SGCG: variants seen among roughly 807,000 people sequenced by gnomAD.
SGCG encodes sarcoglycan gamma, also known as gamma-sarcoglycan.
In SGCG, 26 loss-of-function variants were observed where a neutral mutation model predicts 29.3. The ratio of observed to expected loss-of-function variants is 0.89; its 90% CI spans 0.65 to 1.23. The LOEUF is 1.23. Ranked by LOEUF, SGCG falls within the 50% of genes most tolerant of loss-of-function variation. The pLI, the probability that SGCG is intolerant of heterozygous loss-of-function variation, is 0.00. For missense variants in SGCG, 353 were observed against 356.0 expected, an observed-to-expected ratio of 0.99 and a Z score of 0.07; for synonymous variants, 145 against 129.7, an observed-to-expected ratio of 1.12 and a Z score of -0.80.
At chr13:23,211,298 C>T (rs895585032) in intron 2 of SGCG, among the ~76,000 whole-genome samples, 2 of 152,152 alleles carry the variant, frequency 1.3e-5, no homozygotes, top group Non-Finnish European at 2.9e-5. Context: ...TGTGCTTCTC[C>T]TAACTTTCCA....
chr13:23,313,215 A>G (rs536059192), intron 6 of SGCG, among the ~76,000 whole-genome samples: 2 of 149,564 alleles, frequency 1.3e-5, no homozygotes, highest in East Asian at 3.9e-4. Flanking sequence ...TCCAGGCTGG[A>G]GTGCAGTGGC....
In SGCG at chr13:23,199,622, A is replaced by C. The variant is rs191311832; in HGVS notation, c.1-4073A>C. On this transcript the variant is annotated intron_variant, in intron 1 of 7. Coordinates refer to ENST00000218867, the MANE Select transcript of SGCG (RefSeq NM_000231.3). The stretch of plus-strand genomic sequence containing the variant: ...AGTGTTTCACCTAGTGATTTAACTC[A>C]TGCTTATCTAGAGTAAAAGGACTTT... Among the ~76,000 whole-genome samples the C allele has an allele frequency of 2.0e-5, 3 of 152,384 alleles. No individual in the cohort carries two copies. The East Asian group carries it at 5.8e-4, about 29-fold the overall frequency.
intron 2 of SGCG, among the ~76,000 whole-genome samples, chr13:23,208,879 G>T (rs1467418378): frequency 2.6e-5 from 4 of 151,976 alleles, no homozygotes; most frequent in Admixed American, 1.3e-4. Flanking sequence ...GTGTTCATGA[G>T]TATAGAATAA....
At chr13:23,242,187 C>T (rs9552890) in intron 3 of SGCG, among the ~76,000 whole-genome samples, 101,720 of 152,022 alleles carry the variant, frequency 0.67, 34,414 homozygotes, top group East Asian at 0.91. Flanking sequence ...TACTGTTTGA[C>T]AGAATTCTTG....
chr13:23,163,208 A>T, the SGCG span, among the ~76,000 whole-genome samples: 2 of 152,252 alleles, frequency 1.3e-5, no homozygotes, highest in Admixed American at 6.5e-5. Flanking sequence ...TCTAAACATG[A>T]CATCTTCAAA....
In SGCG at chr13:23,203,746, C is replaced by T; in HGVS notation, c.52C>T (p.Pro18Ser). The part of the protein sequence containing the change: ...TATEGICIER[P>S]ENQYVYKIGI... ...CACAGAAGGCATCTGCATAGAGAGG[C>T]CAGAGAATCAGTATGTCTACAAAAT... The change falls in exon 2 of 8, where the codon CCA becomes TCA. Residue 18 changes from proline (P) to serine (S), a missense_variant. Coordinates refer to ENST00000218867, the MANE Select transcript of SGCG (RefSeq NM_000231.3). 6.2e-7 allele frequency: 1 copy of T among 1,613,998 alleles called. No individual in the cohort carries two copies. Among genetic ancestry groups the T allele is most frequent in the Non-Finnish European group, 8.5e-7 (1 of 1,179,872 alleles).
chr13:23,181,607 A>G (rs1376307286), intron 1 of SGCG, among the ~76,000 whole-genome samples: 1 of 152,210 alleles, frequency 6.6e-6, no homozygotes, highest in East Asian at 1.9e-4. Flanking sequence ...CTATTTTTGG[A>G]GTGAAAAGGG....
At chr13:23,317,604 T>G (rs111829793) in intron 6 of SGCG, among the ~76,000 whole-genome samples, 56 of 152,376 alleles carry the variant, frequency 3.7e-4, no homozygotes, top group African/African-American at 1.1e-3. Context: ...TATTTTCTTT[T>G]CCTTTATCAT....
intron 4 of SGCG, among the ~76,000 whole-genome samples, chr13:23,262,380 G>C (rs142045917): frequency 6.6e-6 from 1 of 151,918 alleles, no homozygotes; most frequent in African/African-American, 2.4e-5. Flanking sequence ...AAACAGACTT[G>C]AAAGCAACAA....
At chr13:23,245,005 G>A (rs961044129) in intron 3 of SGCG, 13 of 152,158 alleles carry the variant, frequency 8.5e-5, no homozygotes, top group Non-Finnish European at 1.8e-4. Context: ...GGCCCCAAAG[G>A]CCTGAAAGCC....
intron 5 of SGCG, among the ~76,000 whole-genome samples, chr13:23,286,692 AAAGC>A (rs59922555): frequency 0.43 from 65,637 of 151,792 alleles, 15,010 homozygotes; most frequent in Middle Eastern, 0.65. Flanking sequence ...ATAATAAAAT[AAAGC>A]AATTATAAAA....
intron 2 of SGCG, among the ~76,000 whole-genome samples, chr13:23,224,365 C>A (rs1878805504): frequency 6.6e-6 from 1 of 152,140 alleles, no homozygotes; most frequent in African/African-American, 2.4e-5. Flanking sequence ...TCTTATTATT[C>A]TTTCTTTCTC....
At chr13:23,169,408 C>T in the SGCG span, among the ~76,000 whole-genome samples, 44 of 151,534 alleles carry the variant, frequency 2.9e-4, no homozygotes, top group East Asian at 1.6e-3. Context: ...GTAGCCGGCG[C>T]GGTGGCTCAC....
chr13:23,275,944 A>G (rs1881052016), intron 4 of SGCG, among the ~76,000 whole-genome samples: 1 of 152,228 alleles, frequency 6.6e-6, no homozygotes, highest in Admixed American at 6.5e-5. Context: ...CACATTGTAT[A>G]TAAGGAAGAA....
At chr13:23,319,517 TA>T (rs1019703163) in intron 6 of SGCG, among the ~76,000 whole-genome samples, 5 of 152,050 alleles carry the variant, frequency 3.3e-5, no homozygotes, top group African/African-American at 1.2e-4. Context: ...AGTCATAGAT[TA>T]AAAAAAACTT....
intron 2 of SGCG, among the ~76,000 whole-genome samples, chr13:23,230,158 G>A (rs796707800): frequency 2.0e-5 from 3 of 152,288 alleles, no homozygotes; most frequent in African/African-American, 4.8e-5. Context: ...TTTTGTACCA[G>A]TACTGTGCTC....
At position 23,284,892 on chromosome 13, in the gene SGCG, T is replaced by C. The variant is rs923582622; in HGVS notation, c.505+5414T>C. Reference sequence around the variant, plus strand: ...CTGCTGCAGGTCTGCTAGAGTTTGCTGGACGTCCACTCCAGCCCCTGTTTG... The same window carrying C: ...CTGCTGCAGGTCTGCTAGAGTTTGCCGGACGTCCACTCCAGCCCCTGTTTG... On this transcript the variant is annotated intron_variant, in intron 5 of 7. Transcript: ENST00000218867. Among the ~76,000 whole-genome samples the C allele has an allele frequency of 2.6e-5, 4 of 152,210 alleles. No homozygotes were observed. The East Asian group carries it at 5.8e-4, about 22-fold the overall frequency.
In SGCG at chr13:23,295,502, T is replaced by A; in HGVS notation, c.578+15T>A. ...CAAGACCTTAGGTAAGAATTTTTGT[T>A]CAAATATTAACAACCTCTCCTGTAG... On this transcript the variant is annotated intron_variant, in intron 6 of 7. Coordinates refer to ENST00000218867, the MANE Select transcript of SGCG (RefSeq NM_000231.3). 6.3e-7 allele frequency: 1 copy of A among 1,585,032 alleles called. No individual in the cohort carries two copies. The highest frequency in any genetic ancestry group is 1.3e-5 in the African/African-American group (1 of 74,474).
chr13:23,214,142 C>T (rs1878338081), intron 2 of SGCG, among the ~76,000 whole-genome samples: 1 of 152,168 alleles, frequency 6.6e-6, no homozygotes, highest in Non-Finnish European at 1.5e-5. Flanking sequence ...CTTACCAGGT[C>T]ACCACATCCA....
Sources: allele counts gnomAD v4.1 joint callset (sites outside exome capture counted in the v4.1 genomes callset), GRCh38; gene constraint gnomAD v4.1.1; transcripts MANE v1.5; gene names NCBI Gene and HGNC (gene_info 2026-07-23, HGNC 2026-07-21).